Variants in ACVR1 observed in about 807,000 individuals in gnomAD.
ACVR1 encodes activin receptor type-1.
Under a neutral mutation model 57.1 loss-of-function variants are expected in ACVR1, and 38 were observed. The ratio of observed to expected loss-of-function variants is 0.67; its 90% CI spans 0.51 to 0.87. ACVR1 has a LOEUF of 0.87. Among genes scored for constraint, ACVR1 ranks in the 40% least tolerant of loss-of-function variants. The pLI is 0.00. For synonymous variants in ACVR1, 212 were observed against 228.1 expected (o/e 0.93, Z 0.63); for missense variants, 463 against 638.2 (o/e 0.73, Z 2.96).
chr2:157,810,460 A>C (rs1057172896), intron 2 of ACVR1, among the ~76,000 whole-genome samples: 1 of 152,236 alleles, frequency 6.6e-6, no homozygotes. Flanking sequence ...GAACTTGAGA[A>C]GGAAAGGCAC....
Position 157,737,500 on chromosome 2 carries a change from T to C in ACVR1, c.*31A>G. 1 of 1,613,288 alleles carries C rather than the reference T, an allele frequency of 6.2e-7. No homozygotes were observed. The stretch of plus-strand genomic sequence containing the variant: ...TCCCAGCTGGACAATGACAACAACG[T>C]CAAATCTTCCTTCTTGACACTATGA... On this transcript the variant is annotated 3_prime_UTR_variant, in exon 11 of 11. Transcript: ENST00000434821.
At chr2:157,862,869 C>CAAAAAAAAAAAAAAAAA (rs1158581005) in intron 1 of ACVR1, among the ~76,000 whole-genome samples, 3 of 141,614 alleles carry the variant, frequency 2.1e-5, no homozygotes, top group African/African-American at 8.8e-5. Flanking sequence ...GACTCCGTCT[C>CAAAAAAAAAAAAAAAAA]AAAAAAAAAA....
chr2:157,835,171 C>T (rs924556920), intron 1 of ACVR1, among the ~76,000 whole-genome samples: 3 of 152,186 alleles, frequency 2.0e-5, no homozygotes, highest in Non-Finnish European at 4.4e-5. Context: ...CATCCCACCA[C>T]ATCCCATGTG....
Position 157,842,856 on chromosome 2 carries a change from A to G in ACVR1, c.-182-24297T>C, listed in dbSNP as rs143996402. On this transcript the variant is annotated intron_variant, in intron 1 of 10. Transcript: ENST00000434821. Reference sequence around the variant, plus strand: ...ACTGTTCTAAGGTTCATCTACTATGATTTTTTTTCTTTGATCTGAAAACCA... The same window carrying G: ...ACTGTTCTAAGGTTCATCTACTATGGTTTTTTTTCTTTGATCTGAAAACCA... Among the ~76,000 whole-genome samples the G allele has an allele frequency of 3.6e-4, 54 of 152,084 alleles. No homozygotes were observed. In the East Asian group the frequency reaches 9.7e-3, roughly 27 times the overall value.
chr2:157,773,150 C>T (rs1397271498), intron 6 of ACVR1, among the ~76,000 whole-genome samples: 1 of 152,210 alleles, frequency 6.6e-6, no homozygotes, highest in African/African-American at 2.4e-5. Context: ...ATTATTGCTA[C>T]TGCAGCCATC....
chr2:157,740,000 A>G (rs2105219132), intron 9 of ACVR1, among the ~76,000 whole-genome samples: 1 of 152,216 alleles, frequency 6.6e-6, no homozygotes, highest in Middle Eastern at 3.4e-3. Flanking sequence ...CCTGGGCAAC[A>G]TGGCAAGACC....
intron 1 of ACVR1, among the ~76,000 whole-genome samples, chr2:157,852,134 A>C (rs977253382): frequency 1.4e-4 from 22 of 152,144 alleles, no homozygotes; most frequent in Non-Finnish European, 2.5e-4. Flanking sequence ...GCCTATTTCC[A>C]AACTCAAGAG....
At chr2:157,851,047 A>C (rs1689280897) in intron 1 of ACVR1, among the ~76,000 whole-genome samples, 1 of 152,148 alleles carries the variant, frequency 6.6e-6, no homozygotes, top group Non-Finnish European at 1.5e-5. Context: ...GATTAGACAG[A>C]TCTGTTAAGT....
chr2:157,769,176 T>C (rs1272677192), intron 7 of ACVR1, among the ~76,000 whole-genome samples: 2 of 152,140 alleles, frequency 1.3e-5, no homozygotes, highest in African/African-American at 4.8e-5. Context: ...TCTCAAGGAA[T>C]GGTCAGTATT....
chr2:157,787,985 C>A (rs1000222218), intron 3 of ACVR1, among the ~76,000 whole-genome samples: 7 of 152,204 alleles, frequency 4.6e-5, no homozygotes, highest in African/African-American at 1.7e-4. Context: ...CCACCACACC[C>A]CTACAGCCTT....
chr2:157,803,026 T>C (rs973719515), intron 2 of ACVR1, among the ~76,000 whole-genome samples: 1 of 151,930 alleles, frequency 6.6e-6, no homozygotes, highest in Non-Finnish European at 1.5e-5. Context: ...GATTAAGAGA[T>C]TTATCATCTC....
In ACVR1 at chr2:157,875,796, C is replaced by A. The variant is rs1263789274; in HGVS notation, c.-183G>T. Reference sequence around the variant, plus strand: ...GGCGCGGCCGGCGACCTGCGCTCACCTCGGGTCCCGCCGCGGCCGGGGGCT... The same window carrying A: ...GGCGCGGCCGGCGACCTGCGCTCACATCGGGTCCCGCCGCGGCCGGGGGCT... On this transcript the variant is annotated splice_region_variant and 5_prime_UTR_variant, in exon 1 of 11. Coordinates refer to ENST00000434821, the MANE Select transcript of ACVR1 (RefSeq NM_001111067.4). 1 of 151,774 alleles carries A rather than the reference C, an allele frequency of 6.6e-6. No individual in the cohort carries two copies. Among genetic ancestry groups the A allele is most frequent in the South Asian group, 1.8e-4 (1 of 5,480 alleles). The allele number at this position is 151,774 out of a possible 1,614,324, so 9.4% of individuals were successfully genotyped here.
At chr2:157,827,721 G>C (rs1482216980) in intron 1 of ACVR1, among the ~76,000 whole-genome samples, 1 of 152,122 alleles carries the variant, frequency 6.6e-6, no homozygotes, top group African/African-American at 2.4e-5. Context: ...TTGAGCACTA[G>C]TGTCTTTCAA....
chr2:157,740,272 C>T (rs1161347436), intron 9 of ACVR1, among the ~76,000 whole-genome samples: 1 of 152,076 alleles, frequency 6.6e-6, no homozygotes, highest in East Asian at 1.9e-4. Context: ...TGGATTAAAA[C>T]CTTTCCTGGC....
At chr2:157,815,493 T>C (rs1295726866) in intron 2 of ACVR1, among the ~76,000 whole-genome samples, 1 of 152,228 alleles carries the variant, frequency 6.6e-6, no homozygotes, top group African/African-American at 2.4e-5. Context: ...CTGGTGACTC[T>C]CACTGTTAAC....
At chr2:157,855,994 G>GA (rs1266640250) in intron 1 of ACVR1, among the ~76,000 whole-genome samples, 1 of 151,724 alleles carries the variant, frequency 6.6e-6, no homozygotes, top group Non-Finnish European at 1.5e-5. Context: ...TAAACACAAG[G>GA]AATCAAATGC....
intron 1 of ACVR1, among the ~76,000 whole-genome samples, chr2:157,832,750 T>A (rs2105346234): frequency 6.6e-6 from 1 of 152,308 alleles, no homozygotes; most frequent in East Asian, 1.9e-4. Context: ...TTCTATAACA[T>A]AAAACATGCC....
Position 157,769,361 on chromosome 2 carries a change from GA to G in ACVR1, c.790+1006del, listed in dbSNP as rs1311713004. On this transcript the variant is annotated intron_variant, in intron 7 of 10. Coordinates refer to ENST00000434821, the MANE Select transcript of ACVR1 (RefSeq NM_001111067.4). The stretch of plus-strand genomic sequence containing the variant: ...GGAAGACAACTCCAAGTGGAGAGAT[GA>G]ATTGGAAAGGGAAAGCTGACAGCTG... Among the ~76,000 whole-genome samples, 6 of 152,280 alleles carry G rather than the reference GA, an allele frequency of 3.9e-5. No homozygotes were observed. The South Asian group carries it at 1.0e-3, about 26-fold the overall frequency.
chr2:157,810,493 C>T (rs1273696087), intron 2 of ACVR1, among the ~76,000 whole-genome samples: 1 of 152,180 alleles, frequency 6.6e-6, no homozygotes, highest in Non-Finnish European at 1.5e-5. Context: ...GAGGCCTCTC[C>T]TCCCTTAATA....
Sources: allele counts gnomAD v4.1 joint callset (sites outside exome capture counted in the v4.1 genomes callset), GRCh38; gene constraint gnomAD v4.1.1; transcripts MANE v1.5; gene names NCBI Gene and HGNC (gene_info 2026-07-23, HGNC 2026-07-21).